Variants in RALYL observed in about 807,000 individuals in gnomAD.
RALYL encodes the protein RNA-binding Raly-like protein.
Under a neutral mutation model 35.1 loss-of-function variants are expected in RALYL, and 29 were observed. The ratio of observed to expected loss-of-function variants is 0.83; its 90% CI spans 0.61 to 1.13. The LOEUF (loss-of-function observed/expected upper bound fraction) is 1.13, where lower values mean the gene tolerates loss of function less well. Ranked by LOEUF, RALYL falls within the 50% of genes most tolerant of loss-of-function variation. The pLI, the probability that RALYL is intolerant of heterozygous loss-of-function variation, is 0.00. For synonymous variants in RALYL, 120 were observed against 127.6 expected (o/e 0.94, Z 0.40); for missense variants, 359 against 360.4 (o/e 1.00, Z 0.03).
At chr8:84,333,401 T>G (rs867258383) in intron 1 of RALYL, among the ~76,000 whole-genome samples, 2 of 152,150 alleles carry the variant, frequency 1.3e-5, no homozygotes, top group Non-Finnish European at 2.9e-5. Flanking sequence ...TAAAATATAG[T>G]CTATCCCTTA....
At chr8:84,716,744 G>A (rs953880905) in intron 2 of RALYL, among the ~76,000 whole-genome samples, 4 of 152,066 alleles carry the variant, frequency 2.6e-5, no homozygotes, top group Non-Finnish European at 4.4e-5. Flanking sequence ...CACCATCCCA[G>A]TTTTCAAGAA....
intron 4 of RALYL, among the ~76,000 whole-genome samples, chr8:84,821,266 A>G (rs1419692270): frequency 6.6e-6 from 1 of 152,218 alleles, no homozygotes; most frequent in Non-Finnish European, 1.5e-5. Flanking sequence ...TCATAAAGAC[A>G]AAATAGATAT....
intron 2 of RALYL, among the ~76,000 whole-genome samples, chr8:84,649,912 A>G (rs1465804606): frequency 1.3e-5 from 2 of 152,108 alleles, no homozygotes; most frequent in African/African-American, 4.8e-5. Context: ...CCTACCCATG[A>G]GCATGGAATG....
At chr8:84,392,484 T>C (rs1860918007) in intron 1 of RALYL, among the ~76,000 whole-genome samples, 1 of 152,030 alleles carries the variant, frequency 6.6e-6, no homozygotes, top group African/African-American at 2.4e-5. Flanking sequence ...GACTGATAGA[T>C]ACCTTAGTGC....
chr8:84,783,628 G>A (rs1818708041), intron 3 of RALYL, among the ~76,000 whole-genome samples: 1 of 152,102 alleles, frequency 6.6e-6, no homozygotes. Flanking sequence ...TTTGGAATAA[G>A]CCTCCTGCCC....
intron 2 of RALYL, among the ~76,000 whole-genome samples, chr8:84,731,962 T>A (rs1846258857): frequency 6.6e-6 from 1 of 152,008 alleles, no homozygotes. Context: ...CATTCTCTAG[T>A]CCTCATCCCT....
At chr8:84,337,916 G>A (rs1032876237) in intron 1 of RALYL, among the ~76,000 whole-genome samples, 14 of 152,100 alleles carry the variant, frequency 9.2e-5, no homozygotes, top group African/African-American at 3.4e-4. Context: ...CATTCACTGG[G>A]AGCTTAAAAA....
intron 1 of RALYL, among the ~76,000 whole-genome samples, chr8:84,431,256 G>T (rs910042043): frequency 6.6e-6 from 1 of 152,000 alleles, no homozygotes. Context: ...AGATAGGAGT[G>T]TCAGAACCAG....
At chr8:84,459,735 G>C (rs2050535704) in intron 1 of RALYL, among the ~76,000 whole-genome samples, 1 of 151,732 alleles carries the variant, frequency 6.6e-6, no homozygotes, top group Non-Finnish European at 1.5e-5. Flanking sequence ...TGAGAGAGAG[G>C]ATAGTGGAGT....
At chr8:84,580,419 A>G (rs760173237) in intron 2 of RALYL, among the ~76,000 whole-genome samples, 3 of 152,164 alleles carry the variant, frequency 2.0e-5, no homozygotes, top group Non-Finnish European at 4.4e-5. Flanking sequence ...CTTTCACTCA[A>G]AGTGGAAGAT....
Position 84,862,236 on chromosome 8 carries a change from A to G in RALYL, c.414-60A>G, listed in dbSNP as rs117950932. 7.8e-3 allele frequency: 10,450 copies of G among 1,346,944 alleles called. 46 individuals carry two copies. Among genetic ancestry groups the G allele is most frequent in the Non-Finnish European group, 9.6e-3 (9,762 of 1,017,442 alleles). The allele number at this position is 1,346,944 out of a possible 1,614,324, so 83.4% of individuals were successfully genotyped here. ...CAGGACATTCTGTTCAACATTTCAC[A>G]TATTTGATAGAACTCTCGGGCATCA... On this transcript the variant is annotated intron_variant, in intron 5 of 8. Coordinates refer to ENST00000521268, the MANE Select transcript of RALYL (RefSeq NM_173848.7).
intron 3 of RALYL, among the ~76,000 whole-genome samples, chr8:84,799,905 G>A (rs1055213691): frequency 6.6e-6 from 1 of 152,112 alleles, no homozygotes; most frequent in Non-Finnish European, 1.5e-5. Context: ...GCAGTGAGCC[G>A]AGATCACGCC....
intron 1 of RALYL, among the ~76,000 whole-genome samples, chr8:84,503,832 C>A (rs918560654): frequency 2.0e-5 from 3 of 148,926 alleles, no homozygotes; most frequent in African/African-American, 7.4e-5. Flanking sequence ...GCACTGCACT[C>A]AAGCCTAGGC....
At chr8:84,449,267 C>A (rs997164471) in intron 1 of RALYL, among the ~76,000 whole-genome samples, 1 of 151,802 alleles carries the variant, frequency 6.6e-6, no homozygotes, top group South Asian at 2.1e-4. Context: ...GAGGTGAGGT[C>A]CCCTTAGCAA....
At chr8:84,663,222 C>T (rs1421895262) in intron 2 of RALYL, among the ~76,000 whole-genome samples, 1 of 152,106 alleles carries the variant, frequency 6.6e-6, no homozygotes, top group Non-Finnish European at 1.5e-5. Flanking sequence ...TTTTCTTTAT[C>T]CAGTCTATAA....
At chr8:84,798,806 C>T (rs1433445387) in intron 3 of RALYL, among the ~76,000 whole-genome samples, 2 of 152,140 alleles carry the variant, frequency 1.3e-5, no homozygotes, top group Non-Finnish European at 2.9e-5. Context: ...TCTGCAAAAA[C>T]ACACATATGC....
intron 1 of RALYL, among the ~76,000 whole-genome samples, chr8:84,291,867 A>G (rs1207588889): frequency 6.6e-6 from 1 of 150,870 alleles, no homozygotes; most frequent in African/African-American, 2.4e-5. Context: ...CACATTTCCC[A>G]TTGTTCAAAT....
intron 1 of RALYL, chr8:84,346,135 G>T: frequency 3.4e-6 from 3 of 873,180 alleles, no homozygotes; most frequent in Non-Finnish European, 4.1e-6. Flanking sequence ...CCCTTGGCGA[G>T]GTGCCTGGCT....
chr8:84,283,726 A>G (rs868373052), intron 1 of RALYL, among the ~76,000 whole-genome samples: 15 of 152,088 alleles, frequency 9.9e-5, no homozygotes, highest in Admixed American at 3.9e-4. Context: ...TTTGCCTTTA[A>G]TATCACCCAA....
Sources: allele counts gnomAD v4.1 joint callset (sites outside exome capture counted in the v4.1 genomes callset), GRCh38; gene constraint gnomAD v4.1.1; transcripts MANE v1.5; gene names NCBI Gene and HGNC (gene_info 2026-07-23, HGNC 2026-07-21).